Variants in MYRFL observed in about 807,000 individuals in gnomAD.
MYRFL encodes the protein myelin regulatory factor like.
MYRFL carries 88 observed loss-of-function variants against 109.4 expected under a neutral mutation model. The ratio of observed to expected loss-of-function variants is 0.80; its 90% CI spans 0.68 to 0.96. MYRFL has a LOEUF of 0.96. MYRFL is among the 40% of genes least tolerant of loss of function. MYRFL has a pLI of 0.00. For synonymous variants in MYRFL, 324 were observed against 320.9 expected, an observed-to-expected ratio of 1.01 and a Z score of -0.10; for missense variants, 957 against 954.9, an observed-to-expected ratio of 1.00 and a Z score of -0.03.
chr12:69,847,872 T>A (rs1307199822), intron 1 of MYRFL, among the ~76,000 whole-genome samples: 1 of 152,190 alleles, frequency 6.6e-6, no homozygotes, highest in Non-Finnish European at 1.5e-5. Flanking sequence ...AAAATCAATT[T>A]TTATGTAGTC....
intron 2 of MYRFL, among the ~76,000 whole-genome samples, chr12:69,857,673 C>A (rs570067875): frequency 6.6e-6 from 1 of 151,190 alleles, no homozygotes; most frequent in Non-Finnish European, 1.5e-5. Flanking sequence ...TCCAATTATT[C>A]ATCATTAGTA....
At position 69,846,159 on chromosome 12, in the gene MYRFL, T is replaced by C. The variant is rs182026386; in HGVS notation, c.47-9121T>C. Among the ~76,000 whole-genome samples the C allele has an allele frequency of 2.7e-4, 41 of 149,232 alleles. No homozygotes were observed. In the East Asian group the frequency reaches 8.1e-3, roughly 30 times the overall value. On this transcript the variant is annotated intron_variant, in intron 1 of 24. Coordinates refer to ENST00000552032, the MANE Select transcript of MYRFL (RefSeq NM_182530.3). ...ATGACTGCCACAGTACTAGATACTT[T>C]TGTATGTCTCATTCTTTTTTGTTTG...
chr12:69,913,597 T>C (rs1954643322), intron 13 of MYRFL, among the ~76,000 whole-genome samples: 1 of 152,218 alleles, frequency 6.6e-6, no homozygotes, highest in Non-Finnish European at 1.5e-5. Context: ...TCTAAAATCA[T>C]TTAACCATAT....
rs1385567767 is a variant in MYRFL, at chr12:69,879,051, C to T, written c.161C>T (p.Pro54Leu). 1 of 702,976 alleles carries T rather than the reference C, an allele frequency of 1.4e-6. No homozygotes were observed. The highest frequency in any genetic ancestry group is 2.7e-5 in the East Asian group (1 of 37,286). The allele number at this position is 702,976 out of a possible 1,614,324, so 43.5% of individuals were successfully genotyped here. ...GALQRQLPDTPPYSASDSCSP... is the reference protein window; with the variant it reads ...GALQRQLPDTLPYSASDSCSP... Reference sequence around the variant, plus strand: ...AGGCAACGCCAGCTCCCAGACACCCCGCCCTATTCTGCATCCGACTCATGC... The same window carrying T: ...AGGCAACGCCAGCTCCCAGACACCCTGCCCTATTCTGCATCCGACTCATGC... Residue 54 changes from proline (P) to leucine (L), a missense_variant, in exon 3 of 25, where the codon CCG (proline) becomes CTG (leucine). Pro to Leu is a moderately conservative substitution (Grantham distance 98). Coordinates refer to ENST00000552032, the MANE Select transcript of MYRFL (RefSeq NM_182530.3).
chr12:69,839,403 G>A (rs11177896), intron 1 of MYRFL, among the ~76,000 whole-genome samples: 5,636 of 152,132 alleles, frequency 0.037, 139 homozygotes, highest in East Asian at 0.11. Context: ...GAAGTACTTA[G>A]CAATATTAAT....
chr12:69,919,256 T>C (rs1447163338), intron 13 of MYRFL, among the ~76,000 whole-genome samples: 1 of 152,178 alleles, frequency 6.6e-6, no homozygotes, highest in Non-Finnish European at 1.5e-5. Flanking sequence ...CAAGAAATCA[T>C]AGAATTACAA....
At chr12:69,917,710 T>G (rs1349628296) in intron 13 of MYRFL, among the ~76,000 whole-genome samples, 2 of 152,112 alleles carry the variant, frequency 1.3e-5, no homozygotes, top group Non-Finnish European at 2.9e-5. Flanking sequence ...AGTGCTGTGT[T>G]GATTAGTACA....
intron 1 of MYRFL, among the ~76,000 whole-genome samples, chr12:69,853,776 A>C (rs192026110): frequency 0.034 from 4,892 of 145,312 alleles, 98 homozygotes; most frequent in Non-Finnish European, 0.048. Flanking sequence ...GGCTCCTCAC[A>C]TCCCAGACGA....
chr12:69,911,376 A>G (rs376147450), intron 13 of MYRFL, among the ~76,000 whole-genome samples: 100 of 152,346 alleles, frequency 6.6e-4, no homozygotes, highest in African/African-American at 2.4e-3. Flanking sequence ...TCTTAGAATG[A>G]TTAAAGATTA....
In MYRFL at chr12:69,902,047, C is replaced by T. The variant is rs1039887677; in HGVS notation, c.1183-1597C>T. On this transcript the variant is annotated intron_variant, in intron 10 of 24. Coordinates refer to ENST00000552032, the MANE Select transcript of MYRFL (RefSeq NM_182530.3). ...TAGCTGGGGCTATAGGAACATGCCA[C>T]CACACATGGCTAATTTTTGTATTTT... 6.6e-5 allele frequency among the ~76,000 whole-genome samples: 10 copies of T among 152,190 alleles called. No homozygotes were observed. In the South Asian group the frequency reaches 1.7e-3, roughly 25 times the overall value.
intron 11 of MYRFL, among the ~76,000 whole-genome samples, chr12:69,906,720 G>A (rs1954376306): frequency 6.6e-6 from 1 of 152,212 alleles, no homozygotes; most frequent in Non-Finnish European, 1.5e-5. Context: ...GCCAAACGCA[G>A]AAGTTCCTTT....
intron 1 of MYRFL, among the ~76,000 whole-genome samples, chr12:69,840,122 T>A (rs1883161619): frequency 6.6e-6 from 1 of 152,174 alleles, no homozygotes; most frequent in South Asian, 2.1e-4. Flanking sequence ...ACCTACTAAA[T>A]CTCATCCTGC....
intron 11 of MYRFL, among the ~76,000 whole-genome samples, chr12:69,908,060 T>C (rs1385134424): frequency 2.0e-5 from 3 of 152,170 alleles, no homozygotes; most frequent in African/African-American, 7.2e-5. Flanking sequence ...CCTTGGTTCA[T>C]GGTGTTCTCT....
intron 12 of MYRFL, 87 bp from the exon 13 acceptor site, chr12:69,910,734 T>A (rs1415701707): frequency 1.1e-6 from 1 of 886,444 alleles, no homozygotes; most frequent in African/African-American, 1.7e-5. Context: ...TGCAAATGTA[T>A]TGTAGATCAA....
chr12:69,862,671 G>T (rs1592718335), intron 2 of MYRFL, among the ~76,000 whole-genome samples: 5 of 151,794 alleles, frequency 3.3e-5, no homozygotes, highest in East Asian at 3.9e-4. Context: ...GGGTTTTCTA[G>T]ATATACAATC....
At chr12:69,906,430 C>T (rs1012543805) in intron 11 of MYRFL, among the ~76,000 whole-genome samples, 4 of 152,076 alleles carry the variant, frequency 2.6e-5, no homozygotes, top group East Asian at 1.9e-4. Context: ...GGGAAGGACA[C>T]GCTGAACACT....
intron 10 of MYRFL, among the ~76,000 whole-genome samples, chr12:69,898,209 G>A (rs187198561): frequency 1.2e-3 from 188 of 152,320 alleles, no homozygotes; most frequent in Admixed American, 3.1e-3. Context: ...CTCCTTGCCC[G>A]TGTTGAACTG....
intron 3 of MYRFL, 47 bp from the exon 4 acceptor site, chr12:69,879,148 C>CGGCGGG (rs781281291): frequency 0.053 from 37,184 of 702,878 alleles, 1,101 homozygotes; most frequent in South Asian, 0.07. Context: ...TCCTCCTCGA[C>CGGCGGG]TCTGGGCCGT....
chr12:69,936,931 C>T (rs912457127), intron 19 of MYRFL, among the ~76,000 whole-genome samples: 2 of 152,098 alleles, frequency 1.3e-5, no homozygotes, highest in Non-Finnish European at 2.9e-5. Context: ...ATTACATGCA[C>T]GTGGGTGGAT....
Sources: gnomAD v4.1 joint callset for allele counts (sites outside exome capture counted in the v4.1 genomes callset) on GRCh38, gnomAD v4.1.1 for gene constraint, MANE v1.5 for transcripts, NCBI Gene and HGNC (gene_info 2026-07-23, HGNC 2026-07-21) for gene names.